The following RAB4A variants were observed in gnomAD, a reference collection of about 807,000 sequenced individuals.
The protein encoded by RAB4A is RAB4A, member RAS oncogene family, also known as ras-related protein Rab-4A.
Under a neutral mutation model 34.5 loss-of-function variants are expected in RAB4A, and 20 were observed. The ratio of observed to expected loss-of-function variants is 0.58; its 90% CI spans 0.41 to 0.84. RAB4A has a LOEUF of 0.84. Among genes scored for constraint, RAB4A ranks in the 40% least tolerant of loss-of-function variants. The pLI, the probability that RAB4A is intolerant of heterozygous loss-of-function variation, is 0.00. For synonymous variants in RAB4A, 102 were observed against 100.0 expected (o/e 1.02, Z -0.12); for missense variants, 228 against 274.5 (o/e 0.83, Z 1.20).
chr1:229,291,029 A>G lies in RAB4A; in HGVS notation c.227+2186A>G, dbSNP rs185602077. 2.5e-3 allele frequency among the ~76,000 whole-genome samples: 381 copies of G among 152,370 alleles called. 1 individual carries two copies. The highest frequency in any genetic ancestry group is 0.01 in the Middle Eastern group (3 of 294). On this transcript the variant is annotated intron_variant, in intron 3 of 7. Transcript: ENST00000366690. The stretch of plus-strand genomic sequence containing the variant: ...CACCACAGATGAAGTAAGGAAGACC[A>G]GAAAGGTTCCAAGAGGGAAAAAGCA...
intron 3 of RAB4A, among the ~76,000 whole-genome samples, chr1:229,294,147 G>A (rs552476447): frequency 1.2e-4 from 18 of 152,322 alleles, no homozygotes; most frequent in African/African-American, 4.3e-4. Context: ...GACGGGCCTG[G>A]AGGGTGGGAC....
chr1:229,289,832 A>C (rs542160198), intron 3 of RAB4A, among the ~76,000 whole-genome samples: 3 of 152,302 alleles, frequency 2.0e-5, no homozygotes, highest in South Asian at 4.1e-4. Context: ...TTAATTAAGT[A>C]ATTGAAGTTC....
intron 4 of RAB4A, among the ~76,000 whole-genome samples, chr1:229,296,715 C>T (rs1237528233): frequency 6.6e-6 from 1 of 152,140 alleles, no homozygotes; most frequent in Admixed American, 6.5e-5. Context: ...ACTCAGCAGC[C>T]GCTTCCCTCT....
intron 3 of RAB4A, among the ~76,000 whole-genome samples, chr1:229,293,307 C>G (rs1402204247): frequency 1.3e-5 from 2 of 152,164 alleles, no homozygotes; most frequent in African/African-American, 4.8e-5. Context: ...ATGATTGACT[C>G]AATCTCCAGC....
chr1:229,297,500 G>T lies in RAB4A; in HGVS notation c.309G>T (p.Ala103=), dbSNP rs377624108. ...YDITSRETYN[A]LTNWLTDARM... ...TACGCAGCCGAGAAACCTACAATGC[G>T]CTTACTAATTGGTTAACAGATGCCC... Residue 103 remains alanine, a synonymous_variant, in exon 5 of 8, where the codon GCG becomes GCT. Coordinates refer to ENST00000366690, the MANE Select transcript of RAB4A (RefSeq NM_004578.4). 1 of 1,602,304 alleles carries T rather than the reference G, an allele frequency of 6.2e-7. No individual in the cohort carries two copies. The highest frequency in any genetic ancestry group is 1.1e-5 in the South Asian group (1 of 87,860).
At chr1:229,285,522 A>C (rs1023856503) in intron 1 of RAB4A, among the ~76,000 whole-genome samples, 1 of 152,148 alleles carries the variant, frequency 6.6e-6, no homozygotes, top group East Asian at 1.9e-4. Flanking sequence ...TGATCTGGAA[A>C]AGAGTGTGGA....
At chr1:229,282,595 A>G (rs940559078) in intron 1 of RAB4A, among the ~76,000 whole-genome samples, 8 of 152,146 alleles carry the variant, frequency 5.3e-5, no homozygotes, top group African/African-American at 1.9e-4. Flanking sequence ...CATTGTCTGC[A>G]GGTCCTTGAG....
rs34052540 is a variant in RAB4A at position 229,302,633 on chromosome 1, C to T, written c.542-229C>T. ...TGAAAAGTCCCCCTGTTACCACCCC[C>T]TCCTGTCCTCAGCCATCTAGAACTC... On this transcript the variant is annotated intron_variant, in intron 6 of 7. Coordinates refer to ENST00000366690, the MANE Select transcript of RAB4A (RefSeq NM_004578.4). 3.7e-3 allele frequency among the ~76,000 whole-genome samples: 567 copies of T among 151,914 alleles called. 2 individuals are homozygous for T. Among genetic ancestry groups the T allele is most frequent in the African/African-American group, 0.012 (498 of 41,432 alleles).
chr1:229,281,845 T>TATATATATATATCA (rs1293866486), intron 1 of RAB4A, among the ~76,000 whole-genome samples: 7 of 135,974 alleles, frequency 5.1e-5, no homozygotes, highest in Admixed American at 2.3e-4. Flanking sequence ...TATATATATA[T>TATATATATATATCA]ATCATAGTTT....
At chr1:229,297,876 T>C (rs1657288760) in intron 5 of RAB4A, among the ~76,000 whole-genome samples, 1 of 152,230 alleles carries the variant, frequency 6.6e-6, no homozygotes, top group South Asian at 2.1e-4. Flanking sequence ...GTAATGACTT[T>C]TCAGTCTAGG....
chr1:229,271,434 C>G lies in RAB4A; in HGVS notation c.31+64C>G, dbSNP rs986374055. On this transcript the variant is annotated intron_variant, in intron 1 of 7. Coordinates refer to ENST00000366690, the MANE Select transcript of RAB4A (RefSeq NM_004578.4). ...GCGGGGGGCGTCGGTGGCGCGGGGC[C>G]GGGCCTGGGCTGCGGGGGTCTTGAG... 55 of 1,163,374 alleles carry G rather than the reference C, an allele frequency of 4.7e-5. 1 individual carries two copies. The South Asian group carries it at 5.1e-4, about 11-fold the overall frequency. 72.1% of individuals were successfully genotyped at this position (1,163,374 alleles called of 1,614,324 possible).
chr1:229,302,594 A>G (rs949717569), intron 6 of RAB4A, among the ~76,000 whole-genome samples: 2 of 151,804 alleles, frequency 1.3e-5, no homozygotes, highest in Non-Finnish European at 2.9e-5. Flanking sequence ...CAAGAAGTAT[A>G]AAAGAGTATG....
At chr1:229,301,494 A>G (rs978223653) in intron 6 of RAB4A, among the ~76,000 whole-genome samples, 11 of 152,178 alleles carry the variant, frequency 7.2e-5, no homozygotes, top group Non-Finnish European at 5.9e-5. Context: ...AAATCCTTAC[A>G]GTTGGCTTAC....
At chr1:229,302,270 TATATATATATATATATATATATA>T (rs1657404320) in intron 6 of RAB4A, among the ~76,000 whole-genome samples, 1 of 10,648 alleles carries the variant, frequency 9.4e-5, no homozygotes, top group Non-Finnish European at 1.8e-4. Context: ...TATATATATA[TATATATATATATATATATATATA>T]TATATATATA....
rs754910206 is a variant in RAB4A at position 229,298,965 on chromosome 1, T to C, written c.446-12T>C. The C allele has an allele frequency of 3.4e-5, 54 of 1,588,194 alleles. 2 individuals are homozygous for C. The East Asian group carries it at 1.2e-3, about 35-fold the overall frequency. On this transcript the variant is annotated splice_polypyrimidine_tract_variant and intron_variant, in intron 5 of 7. Transcript: ENST00000366690. ...CTAAACATGACTTTATTTTGTTTGA[T>C]GTCCATTTTAGAGCTGATGTTTTTG...
chr1:229,302,293 ATATATATATATATATATTTTTT>A (rs1657422451), intron 6 of RAB4A, among the ~76,000 whole-genome samples: 3 of 24,220 alleles, frequency 1.2e-4, no homozygotes, highest in East Asian at 9.1e-4. Flanking sequence ...ATATATATAT[ATATATATATATATATATTTTTT>A]TTTTTTTTTT....
intron 1 of RAB4A, among the ~76,000 whole-genome samples, chr1:229,284,494 G>T (rs1344605391): frequency 2.6e-5 from 4 of 152,136 alleles, no homozygotes; most frequent in Non-Finnish European, 4.4e-5. Context: ...GGCTTTAAGG[G>T]TAATTTTTTT....
chr1:229,271,605 T>C (rs1431867126), intron 1 of RAB4A, among the ~76,000 whole-genome samples: 1 of 152,168 alleles, frequency 6.6e-6, no homozygotes, highest in African/African-American at 2.4e-5. Flanking sequence ...CGCATTGGCG[T>C]GATCCGCCTT....
intron 4 of RAB4A, among the ~76,000 whole-genome samples, 166 bp from the exon 5 acceptor site, chr1:229,297,316 T>A (rs1220599250): frequency 1.3e-5 from 2 of 152,240 alleles, no homozygotes; most frequent in African/African-American, 2.4e-5. Flanking sequence ...GAACAAACTG[T>A]GGGTATGGTA....
Sources: allele counts gnomAD v4.1 joint callset (sites outside exome capture counted in the v4.1 genomes callset), GRCh38; gene constraint gnomAD v4.1.1; transcripts MANE v1.5; gene names NCBI Gene and HGNC (gene_info 2026-07-23, HGNC 2026-07-21).